The following FMO1 variants were observed in gnomAD, a reference collection of about 807,000 sequenced individuals.
FMO1 encodes flavin-containing monooxygenase 1.
A neutral mutation model predicts 45.4 loss-of-function variants in FMO1; 36 were observed. That is an observed-to-expected ratio of 0.79 (90% CI 0.61 to 1.05). The LOEUF (loss-of-function observed/expected upper bound fraction) is 1.05, where lower values mean the gene tolerates loss of function less well. Ranked by LOEUF, FMO1 falls within the 50% of genes least tolerant of loss-of-function variation. FMO1 has a pLI of 0.00. For missense variants in FMO1, 615 were observed against 640.3 expected (o/e 0.96, Z 0.43); for synonymous variants, 228 against 227.2 (o/e 1.00, Z -0.03).
intron 3 of FMO1, among the ~76,000 whole-genome samples, chr1:171,272,156 A>C (rs1420499195): frequency 6.6e-6 from 1 of 152,246 alleles, no homozygotes; most frequent in African/African-American, 2.4e-5. Flanking sequence ...GGGCCAACAT[A>C]GAGCTCAGGC....
intron 6 of FMO1, among the ~76,000 whole-genome samples, 179 bp from the exon 7 acceptor site, chr1:171,281,799 T>C (rs1397563801): frequency 6.6e-6 from 1 of 152,168 alleles, no homozygotes; most frequent in Non-Finnish European, 1.5e-5. Context: ...AAGCATATTT[T>C]ATAATCCTTC....
intron 2 of FMO1, among the ~76,000 whole-genome samples, chr1:171,258,821 T>C (rs1474214843): frequency 6.6e-6 from 1 of 151,888 alleles, no homozygotes; most frequent in Non-Finnish European, 1.5e-5. Context: ...CTCAGCAGGG[T>C]TACTGCCTGG....
At chr1:171,270,801 A>G in intron 3 of FMO1, 1 of 764,410 alleles carries the variant, frequency 1.3e-6, no homozygotes, top group South Asian at 2.2e-5. Flanking sequence ...CACATTCGGT[A>G]GTGTGTTAAC....
At chr1:171,272,080 C>T (rs1660894408) in intron 3 of FMO1, among the ~76,000 whole-genome samples, 1 of 152,254 alleles carries the variant, frequency 6.6e-6, no homozygotes, top group Non-Finnish European at 1.5e-5. Flanking sequence ...GCCCAGAGCC[C>T]CCATGCTGTG....
chr1:171,271,915 G>A lies in FMO1; in HGVS notation c.322-3431G>A, dbSNP rs568590227. Among the ~76,000 whole-genome samples the A allele has an allele frequency of 2.6e-5, 4 of 152,338 alleles. No individual in the cohort carries two copies. The South Asian group carries it at 6.2e-4, about 24-fold the overall frequency. On this transcript the variant is annotated intron_variant, in intron 3 of 8. Coordinates refer to ENST00000617670, the MANE Select transcript of FMO1 (RefSeq NM_001282693.2). ...CTTATTTTCTGGAGAAGAAATCCAA[G>A]CCAACTGCAGAAATTTGCATAAATA... is the stretch of plus-strand genomic sequence containing the variant.
At chr1:171,269,308 A>G (rs1470770649) in intron 3 of FMO1, among the ~76,000 whole-genome samples, 2 of 152,188 alleles carry the variant, frequency 1.3e-5, no homozygotes, top group African/African-American at 4.8e-5. Flanking sequence ...GAAACTTTGG[A>G]ACTTCCTAGA....
intron 6 of FMO1, among the ~76,000 whole-genome samples, chr1:171,281,717 A>G (rs28360417): frequency 6.6e-6 from 1 of 152,194 alleles, no homozygotes; most frequent in East Asian, 1.9e-4. Flanking sequence ...GAATGCTAAA[A>G]ATCAGCAAGA....
At chr1:171,274,038 A>G in intron 3 of FMO1, among the ~76,000 whole-genome samples, 1 of 151,794 alleles carries the variant, frequency 6.6e-6, no homozygotes, top group East Asian at 1.9e-4. Flanking sequence ...AGTCTCAGCT[A>G]CTCAGAAGGC....
At chr1:171,253,857 G>GGTA in intron 1 of FMO1, 1 of 152,284 alleles carries the variant, frequency 6.6e-6, no homozygotes, top group Non-Finnish European at 1.5e-5. Context: ...TGGTGGCCCA[G>GGTA]GTAGAAGGCT....
chr1:171,284,937 CTAAT>C (rs2101850757), intron 8 of FMO1, among the ~76,000 whole-genome samples: 1 of 151,878 alleles, frequency 6.6e-6, no homozygotes. Context: ...CTAGAAATTG[CTAAT>C]TATTTCACAA....
rs1661383432 is a variant in FMO1, at chr1:171,282,112, C to G, written c.962C>G (p.Pro321Arg). The G allele has an allele frequency of 6.2e-7, 1 of 1,613,858 alleles. No individual in the cohort carries two copies. Among genetic ancestry groups the G allele is most frequent in the Non-Finnish European group, 8.5e-7 (1 of 1,179,812 alleles). The change falls in exon 7 of 9, where the codon CCT (proline) becomes CGT (arginine). Residue 321 changes from proline (P) to arginine (R), a missense_variant. By Grantham distance (103) the Pro-to-Arg change is moderately radical. Coordinates refer to ENST00000617670, the MANE Select transcript of FMO1 (RefSeq NM_001282693.2). ...TTTAACAATACTTCAAAGGAAGAGC[C>G]TATTGACATCATTGTCTTTGCCACT... ...VIFNNTSKEE[P>R]IDIIVFATGY...
At chr1:171,260,786 C>T (rs1164150667) in intron 2 of FMO1, among the ~76,000 whole-genome samples, 1 of 151,462 alleles carries the variant, frequency 6.6e-6, no homozygotes, top group African/African-American at 2.4e-5. Flanking sequence ...AAAAATTAGC[C>T]AGGCATGGTG....
chr1:171,258,429 A>C (rs532885496), intron 2 of FMO1, among the ~76,000 whole-genome samples: 1 of 152,202 alleles, frequency 6.6e-6, no homozygotes, highest in African/African-American at 2.4e-5. Context: ...TGTACACTTT[A>C]TCTAGAGCCA....
chr1:171,272,920 G>A (rs1328235335), intron 3 of FMO1, among the ~76,000 whole-genome samples: 1 of 152,138 alleles, frequency 6.6e-6, no homozygotes, highest in Non-Finnish European at 1.5e-5. Flanking sequence ...TGTTGGGAAG[G>A]CATAATTGCT....
intron 2 of FMO1, among the ~76,000 whole-genome samples, chr1:171,267,001 A>T (rs1342642816): frequency 1.3e-5 from 2 of 151,986 alleles, no homozygotes; most frequent in African/African-American, 2.4e-5. Flanking sequence ...TCCTCTCTCA[A>T]CCCCTAAATC....
chr1:171,269,579 A>C (rs896184180), intron 3 of FMO1, among the ~76,000 whole-genome samples: 1 of 152,222 alleles, frequency 6.6e-6, no homozygotes, highest in African/African-American at 2.4e-5. Context: ...ATAACAAAAC[A>C]GCACTCCATC....
chr1:171,275,246 T>A, intron 3 of FMO1, 100 bp from the exon 4 acceptor site: 2 of 902,778 alleles, frequency 2.2e-6, no homozygotes, highest in Non-Finnish European at 3.4e-6. Context: ...TTATGTTTAT[T>A]CTGTGTTCTA....
At chr1:171,270,990 C>G (rs1269269603) in intron 3 of FMO1, 18 of 915,700 alleles carry the variant, frequency 2.0e-5, no homozygotes, top group Admixed American at 8.1e-5. Context: ...CTTCATCTAC[C>G]TCCTCATCAT....
chr1:171,278,877 T>C lies in FMO1; in HGVS notation c.627+6T>C, dbSNP rs767949068. 6.3e-7 allele frequency: 1 copy of C among 1,599,528 alleles called. No individual in the cohort carries two copies. The highest frequency in any genetic ancestry group is 8.5e-7 in the Non-Finnish European group (1 of 1,171,484). ...CCAGCCACCTGGCGGAAAAGGTACA[T>C]TCCTGATGTTACTGGGTGAAGAGCT... On this transcript the variant is annotated splice_donor_region_variant and intron_variant, in intron 5 of 8. Coordinates refer to ENST00000617670, the MANE Select transcript of FMO1 (RefSeq NM_001282693.2).
Sources: gnomAD v4.1 joint callset for allele counts (sites outside exome capture counted in the v4.1 genomes callset) on GRCh38, gnomAD v4.1.1 for gene constraint, MANE v1.5 for transcripts, NCBI Gene and HGNC (gene_info 2026-07-23, HGNC 2026-07-21) for gene names.